The following ARFGEF2 variants were observed in gnomAD, a reference collection of about 807,000 sequenced individuals.
ARFGEF2 encodes the protein brefeldin A-inhibited guanine nucleotide-exchange protein 2.
ARFGEF2 carries 74 observed loss-of-function variants against 219.9 expected under a neutral mutation model. The observed-to-expected ratio is 0.34, with a 90% CI of 0.28 to 0.41. ARFGEF2 has a LOEUF of 0.41. Among genes scored for constraint, ARFGEF2 ranks in the 10% least tolerant of loss-of-function variants. The probability of loss-of-function intolerance (pLI) is 1.00; values close to 1 mark genes in which losing one functional copy is unlikely to be tolerated. For synonymous variants in ARFGEF2, 733 were observed against 799.2 expected (o/e 0.92, Z 1.40); for missense variants, 1,743 against 2,218.3 (o/e 0.79, Z 4.30).
At chr20:48,994,656 A>T (rs1257789464) in intron 22 of ARFGEF2, 58 bp downstream of exon 22, 11 of 1,603,268 alleles carry the variant, frequency 6.9e-6, no homozygotes, top group Middle Eastern at 1.7e-4. Flanking sequence ...CGGGGATGAA[A>T]CCCTTCTTGT....
chr20:49,015,260 A>G (rs2091522841), intron 30 of ARFGEF2, among the ~76,000 whole-genome samples: 1 of 151,934 alleles, frequency 6.6e-6, no homozygotes, highest in African/African-American at 2.4e-5. Context: ...ACTGCAGGCT[A>G]ATGCCACCAT....
chr20:49,015,026 G>A (rs953888576), intron 30 of ARFGEF2, among the ~76,000 whole-genome samples: 29 of 152,138 alleles, frequency 1.9e-4, no homozygotes, highest in Non-Finnish European at 3.8e-4. Flanking sequence ...TCCAACACAC[G>A]TATATAAACT....
At position 49,035,933 on chromosome 20, in the gene ARFGEF2, T is replaced by C; in HGVS notation, c.*2734T>C. On this transcript the variant is annotated 3_prime_UTR_variant, in exon 39 of 39. Transcript: ENST00000371917. ...AACCAAAGAACATACATTATGAAAA[T>C]TGTATTATAATATCTGGAAACACAA... 1 of 374,440 alleles carries C rather than the reference T, an allele frequency of 2.7e-6. No homozygotes were observed. Among genetic ancestry groups the C allele is most frequent in the Non-Finnish European group, 4.7e-6 (1 of 211,808 alleles). The allele number at this position is 374,440 out of a possible 1,614,324, so 23.2% of individuals were successfully genotyped here.
chr20:48,969,200 G>A lies in ARFGEF2; in HGVS notation c.1113G>A (p.Gln371=), dbSNP rs1340633475. The change falls in exon 9 of 39, where the codon CAG becomes CAA. Residue 371 remains glutamine, a synonymous_variant. Transcript: ENST00000371917. ...CTGCCAGGTTCTCCCACGTTCTGCA[G>A]AAGGATGCCTTCCTTGTGTTCCGCT... The part of the protein sequence containing the change: ...QVAARFSHVL[Q]KDAFLVFRSL... 6.2e-7 allele frequency: 1 copy of A among 1,614,218 alleles called. No individual in the cohort carries two copies. The highest frequency in any genetic ancestry group is 1.7e-5 in the Admixed American group (1 of 60,022).
rs184975787 is a variant in ARFGEF2, at chr20:48,982,478, G to T, written c.1959-2251G>T. ...GGGGGTCAGGGTCCCACTTGAGGAG[G>T]CAGGCTGTTCTCAGAGCTCAAACAC... On this transcript the variant is annotated intron_variant, in intron 14 of 38. Transcript: ENST00000371917. 3.9e-4 allele frequency among the ~76,000 whole-genome samples: 59 copies of T among 152,304 alleles called. 1 individual carries two copies. The highest frequency in any genetic ancestry group is 6.6e-4 in the Non-Finnish European group (45 of 68,010).
chr20:48,950,159 A>C (rs1016429454), intron 3 of ARFGEF2, among the ~76,000 whole-genome samples: 2 of 152,152 alleles, frequency 1.3e-5, no homozygotes, highest in African/African-American at 4.8e-5. Context: ...GAGGTGGCAC[A>C]GACCAATTTG....
chr20:48,932,216 G>C (rs986799904), intron 1 of ARFGEF2, among the ~76,000 whole-genome samples: 13 of 152,300 alleles, frequency 8.5e-5, no homozygotes, highest in Non-Finnish European at 1.3e-4. Context: ...AAGTGGGTCA[G>C]GTTGTAGGTT....
intron 14 of ARFGEF2, among the ~76,000 whole-genome samples, chr20:48,984,194 C>T (rs1469782716): frequency 2.6e-5 from 4 of 152,186 alleles, no homozygotes; most frequent in Non-Finnish European, 5.9e-5. Flanking sequence ...TTTTATCTGT[C>T]TGCTTCACCA....
At chr20:48,973,070 C>T (rs1281938144) in intron 11 of ARFGEF2, 75 bp from the exon 12 acceptor site, 13 of 1,578,522 alleles carry the variant, frequency 8.2e-6, no homozygotes, top group Admixed American at 1.7e-5. Context: ...AATTTGTTGG[C>T]AAACATCTTG....
chr20:48,958,574 C>T (rs1321794132), intron 6 of ARFGEF2, among the ~76,000 whole-genome samples: 8 of 151,690 alleles, frequency 5.3e-5, no homozygotes, highest in Admixed American at 5.3e-4. Context: ...GTAGCTGGGA[C>T]TACAGGAGCC....
intron 3 of ARFGEF2, among the ~76,000 whole-genome samples, chr20:48,950,811 AATATATATATATATAT>A (rs71184245): frequency 0.013 from 840 of 64,492 alleles, 27 homozygotes; most frequent in African/African-American, 0.057. Flanking sequence ...AAAAAAAAAA[AATATATATATATATAT>A]ATATATATAT....
At chr20:49,021,527 T>C (rs577573533) in intron 34 of ARFGEF2, among the ~76,000 whole-genome samples, 1 of 152,044 alleles carries the variant, frequency 6.6e-6, no homozygotes, top group Non-Finnish European at 1.5e-5. Context: ...ACCACACCGC[T>C]AATTTGAACA....
chr20:49,034,714 T>G lies in ARFGEF2; in HGVS notation c.*1515T>G, dbSNP rs973313172. ...GGAACCTATCTGTAAAATCAGATGT[T>G]TTTTCTTTGTAGAGAAGGATTTCTG... is the stretch of plus-strand genomic sequence containing the variant. On this transcript the variant is annotated 3_prime_UTR_variant, in exon 39 of 39. Transcript: ENST00000371917. The G allele has an allele frequency of 6.6e-6, 1 of 152,198 alleles. No individual in the cohort carries two copies. Among genetic ancestry groups the G allele is most frequent in the African/African-American group, 2.4e-5 (1 of 41,442 alleles). The allele number at this position is 152,198 out of a possible 1,614,324, so 9.4% of individuals were successfully genotyped here.
intron 6 of ARFGEF2, among the ~76,000 whole-genome samples, chr20:48,956,924 T>C (rs2091109465): frequency 6.6e-6 from 1 of 152,210 alleles, no homozygotes; most frequent in Non-Finnish European, 1.5e-5. Flanking sequence ...TGCCTGGAAC[T>C]GTGCCGGACA....
chr20:48,951,317 C>G lies in ARFGEF2; in HGVS notation c.277-6C>G. On this transcript the variant is annotated splice_polypyrimidine_tract_variant and splice_region_variant and intron_variant, in intron 3 of 38. Transcript: ENST00000371917. The stretch of plus-strand genomic sequence containing the variant: ...AATGTATAATCTCTGTTCTTTCTCT[C>G]TTTAGAAACTCATCGCATACGGGCA... 11 of 1,614,066 alleles carry G rather than the reference C, an allele frequency of 6.8e-6. No homozygotes were observed. The highest frequency in any genetic ancestry group is 9.3e-6 in the Non-Finnish European group (11 of 1,179,968).
chr20:48,979,647 T>C (rs567240779), intron 14 of ARFGEF2, among the ~76,000 whole-genome samples: 2 of 152,192 alleles, frequency 1.3e-5, no homozygotes, highest in Non-Finnish European at 2.9e-5. Context: ...TTGCCTCAAT[T>C]TCAGAGCCTG....
rs753192700 is a variant in ARFGEF2 at position 48,994,607 on chromosome 20, C to G, written c.3121+9C>G. 1.9e-6 allele frequency: 3 copies of G among 1,613,238 alleles called. No homozygotes were observed. Among genetic ancestry groups the G allele is most frequent in the East Asian group, 2.2e-5 (1 of 44,864 alleles). ...CATGGGCCTTGGCCTCGGTAAGACA[C>G]CAGGCCCCACAGCTAACAGTCACGG... On this transcript the variant is annotated intron_variant, in intron 22 of 38. Coordinates refer to ENST00000371917, the MANE Select transcript of ARFGEF2 (RefSeq NM_006420.3).
chr20:49,017,469 A>AT lies in ARFGEF2; in HGVS notation c.4455-19dup, dbSNP rs11086275. Reference sequence around the variant, plus strand: ...CTCCTGATTGCCTTTCACATTGATTATTTTTTTTCTCTATTTTTTTCTTCA... The same window carrying AT: ...CTCCTGATTGCCTTTCACATTGATTATTTTTTTTTCTCTATTTTTTTCTTCA... On this transcript the variant is annotated intron_variant, in intron 32 of 38. Transcript: ENST00000371917. 0.28 allele frequency: 446,193 copies of AT among 1,611,852 alleles called. 64,654 individuals carry two copies. Among genetic ancestry groups the AT allele is most frequent in the East Asian group, 0.45 (20,267 of 44,784 alleles).
rs531196770 is a variant in ARFGEF2 at position 49,001,329 on chromosome 20, C to T, written c.3432+2824C>T. Among the ~76,000 whole-genome samples, 117 of 152,266 alleles carry T rather than the reference C, an allele frequency of 7.7e-4. 1 individual carries two copies. The highest frequency in any genetic ancestry group is 2.6e-3 in the African/African-American group (108 of 41,544). ...TGTTGCGATTACAGGCATGAACCAC[C>T]GTGCCCGGCCCTCACTCTGGGACTC... is the stretch of plus-strand genomic sequence containing the variant. On this transcript the variant is annotated intron_variant, in intron 25 of 38. Transcript: ENST00000371917.
Sources: gnomAD v4.1 joint callset for allele counts (sites outside exome capture counted in the v4.1 genomes callset) on GRCh38, gnomAD v4.1.1 for gene constraint, MANE v1.5 for transcripts, NCBI Gene and HGNC (gene_info 2026-07-23, HGNC 2026-07-21) for gene names.